ABCB4: variants seen among roughly 807,000 people sequenced by gnomAD.
ABCB4 encodes ATP binding cassette subfamily B member 4.
Under a neutral mutation model 145.7 loss-of-function variants are expected in ABCB4, and 76 were observed. The ratio of observed to expected loss-of-function variants is 0.52; its 90% confidence interval spans 0.43 to 0.63. The LOEUF is 0.63. Among genes scored for constraint, ABCB4 ranks in the 30% least tolerant of loss-of-function variants. The pLI, the probability that ABCB4 is intolerant of heterozygous loss-of-function variation, is 0.00. For missense variants in ABCB4, 1,234 were observed against 1,553.1 expected, an observed-to-expected ratio of 0.79 and a Z score of 3.45; for synonymous variants, 517 against 566.8, an observed-to-expected ratio of 0.91 and a Z score of 1.25.
At chr7:87,368,652 G>A in the ABCB4 span, among the ~76,000 whole-genome samples, 2 of 152,086 alleles carry the variant, frequency 1.3e-5, no homozygotes, top group African/African-American at 2.4e-5. Flanking sequence ...TCCTTCAAGC[G>A]GCAGTGTATG....
At chr7:87,376,040 T>C in the ABCB4 span, 1 of 1,332,904 alleles carries the variant, frequency 7.5e-7, no homozygotes, top group East Asian at 2.4e-5. Flanking sequence ...TTTTTCTTTT[T>C]CTACCTTTAG....
At chr7:87,392,521 T>C in the ABCB4 span, 1 of 1,499,234 alleles carries the variant, frequency 6.7e-7, no homozygotes, top group South Asian at 1.2e-5. Flanking sequence ...TCTAGTTGGG[T>C]TTTGCACAGT....
At chr7:87,398,376 T>C (rs1807618466), downstream of ABCB4, 2 of 941,456 alleles carry the variant, frequency 2.1e-6, no homozygotes, top group East Asian at 2.5e-5. Flanking sequence ...TGGCTTTACC[T>C]TCAATTGTGT....
At position 87,409,465 on chromosome 7, in the gene ABCB4, T is replaced by C. The variant is rs1808448882; in HGVS notation, c.2925-73A>G. ...CATGATGTTTGAAAGTCTAAAGGTA[T>C]AGTGCTTACCAGTATTTTTTCCCTT... On this transcript the variant is annotated intron_variant, in intron 23 of 27. Coordinates refer to ENST00000649586, the MANE Select transcript of ABCB4 (RefSeq NM_000443.4). 3 of 1,485,454 alleles carry C rather than the reference T, an allele frequency of 2.0e-6. No individual in the cohort carries two copies. The Admixed American group carries it at 5.0e-5, about 25-fold the overall frequency. The allele number at this position is 1,485,454 out of a possible 1,614,324, so 92.0% of individuals were successfully genotyped here.
intron 17 of ABCB4, 90 bp downstream of exon 17, chr7:87,423,816 C>G (rs1809616106): frequency 1.3e-6 from 2 of 1,546,568 alleles, no homozygotes; most frequent in South Asian, 2.2e-5. Flanking sequence ...GCTGCTTAAT[C>G]CCAGAATGGA....
At chr7:87,457,306 A>T (rs1260845193) in intron 4 of ABCB4, among the ~76,000 whole-genome samples, 1 of 152,142 alleles carries the variant, frequency 6.6e-6, no homozygotes, top group African/African-American at 2.4e-5. Context: ...GCTACACAGG[A>T]GACTGAAGCA....
the ABCB4 span, chr7:87,392,668 A>C: frequency 1.9e-5 from 31 of 1,610,652 alleles, no homozygotes; most frequent in Non-Finnish European, 2.5e-5. Flanking sequence ...AATTTTTCTG[A>C]CTTAAAAATC....
rs770421980 is a variant in ABCB4 at position 87,403,171 on chromosome 7, A to G, written c.3597T>C (p.Asp1199=). ...LIRQPQILLL[D]EATSALDTES... ...CAGTATCCAGAGCTGATGTAGCTTC[A>G]TCCAACAGGAGGATTTGAGGTTGTC... Residue 1199 remains aspartate, a synonymous_variant, in exon 27 of 28, where the codon GAT becomes GAC. Transcript: ENST00000649586. 1.9e-6 allele frequency: 3 copies of G among 1,614,106 alleles called. No homozygotes were observed. Among genetic ancestry groups the G allele is most frequent in the South Asian group, 1.1e-5 (1 of 91,078 alleles).
intron 26 of ABCB4, among the ~76,000 whole-genome samples, chr7:87,405,481 C>A (rs1236714750): frequency 4.8e-5 from 7 of 144,932 alleles, no homozygotes; most frequent in Non-Finnish European, 1.0e-4. Flanking sequence ...GGCTGGAGTG[C>A]AATGGTGTGA....
intron 2 of ABCB4, among the ~76,000 whole-genome samples, chr7:87,474,789 G>A (rs559103071): frequency 1.3e-5 from 2 of 152,148 alleles, no homozygotes; most frequent in South Asian, 4.1e-4. Context: ...GGCAAAGGAA[G>A]CGCTGCTTCC....
At chr7:87,385,884 T>C in the ABCB4 span, among the ~76,000 whole-genome samples, 1 of 152,228 alleles carries the variant, frequency 6.6e-6, no homozygotes. Flanking sequence ...ATTTTTTTTA[T>C]CATGAAGGTA....
intron 23 of ABCB4, among the ~76,000 whole-genome samples, chr7:87,411,345 A>G (rs1808612677): frequency 6.6e-6 from 1 of 152,136 alleles, no homozygotes; most frequent in South Asian, 2.1e-4. Context: ...TGCTGAGCAC[A>G]TTATGAAAGA....
the ABCB4 span, among the ~76,000 whole-genome samples, chr7:87,368,192 A>AAACAC: frequency 6.6e-6 from 1 of 152,104 alleles, no homozygotes; most frequent in African/African-American, 2.4e-5. Flanking sequence ...TTCTGCGGGT[A>AAACAC]TTTACATGGC....
Position 87,401,928 on chromosome 7 carries a change from C to T in ABCB4, c.*168G>A. 6.6e-6 allele frequency: 6 copies of T among 904,200 alleles called. No individual in the cohort carries two copies. The highest frequency in any genetic ancestry group is 1.1e-5 in the Non-Finnish European group (6 of 569,518). The allele number at this position is 904,200 out of a possible 1,614,324, so 56.0% of individuals were successfully genotyped here. A position where few individuals can be genotyped will look rare whatever the true frequency, so the allele number is the denominator to read the frequency against. ...ATCAAGACAGGTGTCACTTCTAACT[C>T]TCAAATTTCAAATGCCGTAATAAAC... On this transcript the variant is annotated 3_prime_UTR_variant, in exon 28 of 28. Transcript: ENST00000649586.
the ABCB4 span, among the ~76,000 whole-genome samples, chr7:87,370,215 G>A: frequency 9.2e-5 from 14 of 151,884 alleles, no homozygotes; most frequent in African/African-American, 3.1e-4. Context: ...ACAGAGTCTT[G>A]CTTTGTGTCC....
chr7:87,451,876 C>A, intron 6 of ABCB4, 82 bp from the exon 7 acceptor site: 1 of 1,391,584 alleles, frequency 7.2e-7, no homozygotes, highest in Non-Finnish European at 1.0e-6. Flanking sequence ...AACACATAGA[C>A]AAGTAAAATT....
At chr7:87,468,739 T>G (rs1029702707) in intron 3 of ABCB4, among the ~76,000 whole-genome samples, 1 of 151,988 alleles carries the variant, frequency 6.6e-6, no homozygotes, top group African/African-American at 2.4e-5. Context: ...AAGACCATCC[T>G]GGCTAACATG....
chr7:87,442,202 C>T (rs944822739), intron 12 of ABCB4, among the ~76,000 whole-genome samples: 3 of 151,914 alleles, frequency 2.0e-5, no homozygotes, highest in Non-Finnish European at 4.4e-5. Context: ...CTTGAACCAA[C>T]CCAGAGTTTA....
At chr7:87,382,258 C>A in the ABCB4 span, 2 of 1,427,224 alleles carry the variant, frequency 1.4e-6, no homozygotes, top group Non-Finnish European at 9.8e-7. Flanking sequence ...GGCTGTCATC[C>A]AAGCATGTCT....
Sources: gnomAD v4.1 joint callset for allele counts (sites outside exome capture counted in the v4.1 genomes callset) on GRCh38, gnomAD v4.1.1 for gene constraint, MANE v1.5 for transcripts, NCBI Gene and HGNC (gene_info 2026-07-23, HGNC 2026-07-21) for gene names.